Variants in TAF1B observed in about 807,000 individuals in gnomAD.
TAF1B encodes the protein TATA-box binding protein associated factor, RNA polymerase I subunit B.
Under a neutral mutation model 83.9 loss-of-function variants are expected in TAF1B, and 61 were observed. That is an observed-to-expected ratio of 0.73 (90% CI 0.59 to 0.90). The LOEUF is 0.90. TAF1B is among the 40% of genes least tolerant of loss of function. The pLI is 0.00. For missense variants in TAF1B, 625 were observed against 677.0 expected, an observed-to-expected ratio of 0.92 and a Z score of 0.85; for synonymous variants, 221 against 224.6, an observed-to-expected ratio of 0.98 and a Z score of 0.14.
At chr2:9,896,642 A>AAAAAAT (rs66506343) in intron 8 of TAF1B, among the ~76,000 whole-genome samples, 2 of 130,174 alleles carry the variant, frequency 1.5e-5, no homozygotes, top group Non-Finnish European at 1.6e-5. Context: ...AAAAAAAAAA[A>AAAAAAT]GCTTTAAAAA....
At chr2:9,864,303 A>G (rs562104632) in intron 5 of TAF1B, among the ~76,000 whole-genome samples, 1 of 151,304 alleles carries the variant, frequency 6.6e-6, no homozygotes, top group Admixed American at 6.6e-5. Context: ...AGAGACTACT[A>G]TAAACACCTC....
intron 1 of TAF1B, 101 bp from the exon 2 acceptor site, chr2:9,845,116 TTAA>T: frequency 1.4e-6 from 1 of 696,278 alleles, no homozygotes; most frequent in Non-Finnish European, 2.4e-6. Context: ...TGATTTTTTA[TTAA>T]TAAAGTTGCC....
chr2:9,866,853 G>T (rs1470429549), intron 5 of TAF1B, among the ~76,000 whole-genome samples: 1 of 151,740 alleles, frequency 6.6e-6, no homozygotes, highest in Non-Finnish European at 1.5e-5. Context: ...ACCAAACATC[G>T]CATGTTCTCA....
chr2:9,844,939 C>A (rs1411331959), intron 1 of TAF1B, among the ~76,000 whole-genome samples: 1 of 152,106 alleles, frequency 6.6e-6, no homozygotes, highest in Non-Finnish European at 1.5e-5. Flanking sequence ...TTTCAAGGAG[C>A]TTTGTTTACT....
chr2:9,894,137 A>G (rs572478994), intron 8 of TAF1B, among the ~76,000 whole-genome samples: 4 of 152,194 alleles, frequency 2.6e-5, no homozygotes, highest in Non-Finnish European at 5.9e-5. Flanking sequence ...TATTATCTAT[A>G]TTATAGATTC....
At chr2:9,856,546 T>C (rs1258929862) in intron 5 of TAF1B, among the ~76,000 whole-genome samples, 1 of 152,180 alleles carries the variant, frequency 6.6e-6, no homozygotes, top group Non-Finnish European at 1.5e-5. Context: ...AAGGAAAGAA[T>C]TGCCTAAACT....
At chr2:9,932,592 C>T (rs1371630421) in intron 14 of TAF1B, among the ~76,000 whole-genome samples, 2 of 152,184 alleles carry the variant, frequency 1.3e-5, no homozygotes, top group Non-Finnish European at 2.9e-5. Context: ...TCGGCCCTTA[C>T]TGGGAGGTGT....
rs369161786 is a variant in TAF1B at position 9,910,908 on chromosome 2, C to A, written c.1128C>A (p.Phe376Leu). ...LKLLFLLDDS[F>L]EWSLSNLAEK... ...TGCTCTTTCTATTGGATGACAGTTT[C>A]GAGTGGTAAGTGTACGTCAATTTTA... The change falls in exon 10 of 15, where the codon TTC becomes TTA. Residue 376 changes from phenylalanine (F) to leucine (L), a missense_variant. By Grantham distance (22) the Phe-to-Leu change is conservative (BLOSUM62 0). Coordinates refer to ENST00000263663, the MANE Select transcript of TAF1B (RefSeq NM_005680.3). The A allele has an allele frequency of 1.2e-6, 2 of 1,608,644 alleles. No individual in the cohort carries two copies. The highest frequency in any genetic ancestry group is 1.7e-6 in the Non-Finnish European group (2 of 1,177,604).
chr2:9,895,072 A>G (rs961326043), intron 8 of TAF1B, among the ~76,000 whole-genome samples: 1 of 152,224 alleles, frequency 6.6e-6, no homozygotes, highest in Non-Finnish European at 1.5e-5. Context: ...GTATTTGTTC[A>G]TAAGGTTTGT....
chr2:9,900,001 T>C (rs1665135306), intron 8 of TAF1B, among the ~76,000 whole-genome samples: 1 of 152,188 alleles, frequency 6.6e-6, no homozygotes, highest in Non-Finnish European at 1.5e-5. Context: ...AATAAGGAAA[T>C]GATGGATTCA....
chr2:9,859,418 G>C (rs1029616351), intron 5 of TAF1B, among the ~76,000 whole-genome samples: 2 of 137,970 alleles, frequency 1.4e-5, no homozygotes, highest in African/African-American at 5.4e-5. Context: ...ATAGAGTGTT[G>C]CTTTGTTGCG....
chr2:9,931,129 A>T (rs1666198119), intron 14 of TAF1B, among the ~76,000 whole-genome samples: 1 of 152,096 alleles, frequency 6.6e-6, no homozygotes, highest in Non-Finnish European at 1.5e-5. Flanking sequence ...CCAATTTGCC[A>T]GTCTGTGTCT....
At chr2:9,897,977 A>G (rs1206758926) in intron 8 of TAF1B, among the ~76,000 whole-genome samples, 1 of 92,480 alleles carries the variant, frequency 1.1e-5, no homozygotes, top group African/African-American at 4.1e-5. Context: ...CACTTCCCCC[A>G]ACCCCCCACC....
chr2:9,859,386 ATTT>A (rs34951709), intron 5 of TAF1B, among the ~76,000 whole-genome samples: 4 of 133,432 alleles, frequency 3.0e-5, no homozygotes, highest in African/African-American at 2.8e-5. Flanking sequence ...CACTATCAGC[ATTT>A]TTTTTTTTTT....
intron 2 of TAF1B, among the ~76,000 whole-genome samples, chr2:9,846,895 C>T (rs1226568925): frequency 6.6e-6 from 1 of 152,088 alleles, no homozygotes; most frequent in African/African-American, 2.4e-5. Context: ...GCAGTTTGGT[C>T]CTCACCCTCA....
chr2:9,921,970 A>G (rs1665893743), intron 14 of TAF1B, among the ~76,000 whole-genome samples: 3 of 152,236 alleles, frequency 2.0e-5, no homozygotes. Context: ...TTCCCTCACT[A>G]AAGTTCTCAG....
chr2:9,843,463 G>GA (rs1663082651), upstream of TAF1B: 3 of 1,339,948 alleles, frequency 2.2e-6, no homozygotes, highest in East Asian at 9.6e-5. Context: ...CCGGCCGGAA[G>GA]CTTCTCCAGC....
In TAF1B at chr2:9,919,668, C is replaced by T. The variant is rs757172994; in HGVS notation, c.1413C>T (p.Ser471=). 1 of 1,614,160 alleles carries T rather than the reference C, an allele frequency of 6.2e-7. No individual in the cohort carries two copies. ...CAACAGCAACTGCTGGAAAAAAAAG[C>T]CCTTCAAGTTTTCAGTTCAACTGGA... The part of the protein sequence containing the change: ...VESTATAGKK[S]PSSFQFNWTE... Residue 471 remains serine (S), a synonymous_variant, in exon 14 of 15, where the codon AGC becomes AGT. Transcript: ENST00000263663.
chr2:9,912,150 A>G (rs573667621), intron 11 of TAF1B, among the ~76,000 whole-genome samples: 2 of 152,224 alleles, frequency 1.3e-5, no homozygotes, highest in East Asian at 1.9e-4. Context: ...TAGATTGCCA[A>G]TATTTGTAAA....
Sources: gnomAD v4.1 joint callset for allele counts (sites outside exome capture counted in the v4.1 genomes callset) on GRCh38, gnomAD v4.1.1 for gene constraint, MANE v1.5 for transcripts, NCBI Gene and HGNC (gene_info 2026-07-23, HGNC 2026-07-21) for gene names.